Variants in PAIP2B observed in about 807,000 individuals in gnomAD.
PAIP2B encodes the protein poly(A) binding protein interacting protein 2B, also known as polyadenylate-binding protein-interacting protein 2B.
Under a neutral mutation model 17.0 loss-of-function variants are expected in PAIP2B, and 13 were observed. That is an observed-to-expected ratio of 0.76 (90% confidence interval 0.50 to 1.22). PAIP2B has a LOEUF of 1.22. Among genes scored for constraint, PAIP2B ranks in the 50% most tolerant of loss-of-function variants. The pLI is 0.00. For missense variants in PAIP2B, 117 were observed against 144.5 expected (o/e 0.81, Z 0.98); for synonymous variants, 43 against 48.7 (o/e 0.88, Z 0.48).
rs1402263101 is a variant in PAIP2B, at chr2:71,184,437, A to T, written c.*4042T>A. On this transcript the variant is annotated 3_prime_UTR_variant, in exon 4 of 4. Transcript: ENST00000244221. ...CAGTAGGGGGTTGGCCAGTGAGGGCAGGTGACTAAGTGGTGTGCAGGAAAC... is the reference window on the plus strand; with the variant it reads ...CAGTAGGGGGTTGGCCAGTGAGGGCTGGTGACTAAGTGGTGTGCAGGAAAC... 1.3e-5 allele frequency: 2 copies of T among 152,242 alleles called. No homozygotes were observed. Among genetic ancestry groups the T allele is most frequent in the African/African-American group, 2.4e-5 (1 of 41,456 alleles). 9.4% of individuals were successfully genotyped at this position (152,242 alleles called of 1,614,324 possible).
At chr2:71,220,173 T>G (rs1179658968) in intron 1 of PAIP2B, among the ~76,000 whole-genome samples, 5 of 152,192 alleles carry the variant, frequency 3.3e-5, no homozygotes, top group Non-Finnish European at 5.9e-5. Flanking sequence ...AAGGTGCCTC[T>G]CATGAGGCCT....
chr2:71,189,082 T>A (rs899631053), intron 3 of PAIP2B, among the ~76,000 whole-genome samples: 1 of 149,812 alleles, frequency 6.7e-6, no homozygotes, highest in Admixed American at 6.7e-5. Flanking sequence ...CTTGGCTCAC[T>A]GCAAACTCCG....
chr2:71,208,906 A>T (rs1675215529), intron 1 of PAIP2B, among the ~76,000 whole-genome samples: 1 of 152,202 alleles, frequency 6.6e-6, no homozygotes, highest in African/African-American at 2.4e-5. Flanking sequence ...CTCCAGAAGG[A>T]AAGTGGCCCT....
At chr2:71,191,768 G>A (rs187596651) in intron 2 of PAIP2B, among the ~76,000 whole-genome samples, 5,351 of 152,222 alleles carry the variant, frequency 0.035, 102 homozygotes, top group African/African-American at 0.043. Flanking sequence ...CCTCAGCCAC[G>A]CAGCTGATAT....
At chr2:71,191,287 A>G (rs914845415) in intron 2 of PAIP2B, among the ~76,000 whole-genome samples, 2 of 152,264 alleles carry the variant, frequency 1.3e-5, no homozygotes, top group African/African-American at 2.4e-5. Context: ...GAACACTACA[A>G]TTAGCCACAC....
At chr2:71,199,373 T>C (rs1298810285) in intron 2 of PAIP2B, among the ~76,000 whole-genome samples, 1 of 144,898 alleles carries the variant, frequency 6.9e-6, no homozygotes, top group Admixed American at 6.9e-5. Flanking sequence ...TTTTACTTAA[T>C]AGACACCCAA....
chr2:71,208,540 A>C lies in PAIP2B; in HGVS notation c.-11-5940T>G, dbSNP rs549848968. On this transcript the variant is annotated intron_variant, in intron 1 of 3. Coordinates refer to ENST00000244221, the MANE Select transcript of PAIP2B (RefSeq NM_020459.1). ...GTGTGACATCACAGAAATCAAGAAAATACCGAACCCAGTGTTCTGTATTTT... is the reference window on the plus strand; with the variant it reads ...GTGTGACATCACAGAAATCAAGAAACTACCGAACCCAGTGTTCTGTATTTT... Among the ~76,000 whole-genome samples, 12 of 152,190 alleles carry C rather than the reference A, an allele frequency of 7.9e-5. No homozygotes were observed. The South Asian group carries it at 2.5e-3, about 32-fold the overall frequency.
At chr2:71,196,187 C>T (rs1674813670) in intron 2 of PAIP2B, among the ~76,000 whole-genome samples, 1 of 152,178 alleles carries the variant, frequency 6.6e-6, no homozygotes, top group Non-Finnish European at 1.5e-5. Context: ...ACTGCCTTAG[C>T]TATGTTCCAG....
In PAIP2B at chr2:71,188,370, C is replaced by A; in HGVS notation, c.*109G>T. 1.2e-6 allele frequency: 1 copy of A among 820,636 alleles called. No individual in the cohort carries two copies. The highest frequency in any genetic ancestry group is 1.6e-5 in the South Asian group (1 of 62,934). The allele number at this position is 820,636 out of a possible 1,614,324, so 50.8% of individuals were successfully genotyped here. A position where few individuals can be genotyped will look rare whatever the true frequency, so the allele number is the denominator to read the frequency against. On this transcript the variant is annotated 3_prime_UTR_variant, in exon 4 of 4. Coordinates refer to ENST00000244221, the MANE Select transcript of PAIP2B (RefSeq NM_020459.1). ...GTATTGTGAGACCACCACTCCCCTT[C>A]CCGCTGTGCACCCCTCGCCCGCCCC...
chr2:71,214,742 C>G (rs1180023), intron 1 of PAIP2B, among the ~76,000 whole-genome samples: 1 of 152,166 alleles, frequency 6.6e-6, no homozygotes, highest in Non-Finnish European at 1.5e-5. Flanking sequence ...ATCAGACACA[C>G]TGAGGCATTC....
chr2:71,219,082 A>ATTTTTTTTTTTTT (rs568552077), intron 1 of PAIP2B, among the ~76,000 whole-genome samples: 5 of 114,000 alleles, frequency 4.4e-5, no homozygotes, highest in African/African-American at 1.8e-4. Context: ...CGCCTAGCTA[A>ATTTTTTTTTTTTT]TTTTTTTTTT....
At chr2:71,189,067 G>A (rs1431898446) in intron 3 of PAIP2B, among the ~76,000 whole-genome samples, 1 of 147,306 alleles carries the variant, frequency 6.8e-6, no homozygotes, top group East Asian at 2.0e-4. Context: ...GTGCAGTGGT[G>A]CAATCTTGGC....
At position 71,202,440 on chromosome 2, in the gene PAIP2B, T is replaced by C; in HGVS notation, c.138+12A>G. ...TATCATCAATCTTCCACTTTTCCAG[T>C]TCTTTCTTTACCTGTCTGTTGAAAT... On this transcript the variant is annotated intron_variant, in intron 2 of 3. Transcript: ENST00000244221. 6.2e-7 allele frequency: 1 copy of C among 1,610,046 alleles called. No individual in the cohort carries two copies. Among genetic ancestry groups the C allele is most frequent in the Non-Finnish European group, 8.5e-7 (1 of 1,178,736 alleles).
rs1358503440 is a variant in PAIP2B, at chr2:71,199,429, G to C, written c.138+3023C>G. 2.0e-5 allele frequency among the ~76,000 whole-genome samples: 3 copies of C among 151,400 alleles called. No homozygotes were observed. The East Asian group carries it at 5.9e-4, about 30-fold the overall frequency. On this transcript the variant is annotated intron_variant, in intron 2 of 3. Transcript: ENST00000244221. ...AGAGTAAAAAAAAAAAAAAAATCTA[G>C]TTAGAAATGACCCATAAGATTTTAC...
Position 71,184,523 on chromosome 2 carries a change from T to C in PAIP2B, c.*3956A>G, listed in dbSNP as rs956597020. 2.0e-5 allele frequency: 3 copies of C among 152,148 alleles called. No homozygotes were observed. Among genetic ancestry groups the C allele is most frequent in the African/African-American group, 7.2e-5 (3 of 41,426 alleles). The allele number at this position is 152,148 out of a possible 1,614,324, so 9.4% of individuals were successfully genotyped here. A position where few individuals can be genotyped will look rare whatever the true frequency, so the allele number is the denominator to read the frequency against. On this transcript the variant is annotated 3_prime_UTR_variant, in exon 4 of 4. Coordinates refer to ENST00000244221, the MANE Select transcript of PAIP2B (RefSeq NM_020459.1). The stretch of plus-strand genomic sequence containing the variant: ...GTCCCTGTCACCAATAGCAGCTTCA[T>C]TGTGAGAAGATTAAAACAAAGGAAA...
chr2:71,201,071 C>T (rs1283815577), intron 2 of PAIP2B, among the ~76,000 whole-genome samples: 1 of 151,462 alleles, frequency 6.6e-6, no homozygotes, highest in Admixed American at 6.6e-5. Context: ...TTCTGCAAGC[C>T]CCTAGCTTTC....
chr2:71,188,148 T>G lies in PAIP2B; in HGVS notation c.*331A>C. 3.8e-6 allele frequency: 1 copy of G among 263,118 alleles called. No homozygotes were observed. Among genetic ancestry groups the G allele is most frequent in the Non-Finnish European group, 7.2e-6 (1 of 138,258 alleles). The allele number at this position is 263,118 out of a possible 1,614,324, so 16.3% of individuals were successfully genotyped here. A position where few individuals can be genotyped will look rare whatever the true frequency, so the allele number is the denominator to read the frequency against. ...GGGGCATTTCCTAAATATCCAGTTTTTCTTAGTCAGCTTATTTTGTTTAAA... is the reference window on the plus strand; with the variant it reads ...GGGGCATTTCCTAAATATCCAGTTTGTCTTAGTCAGCTTATTTTGTTTAAA... On this transcript the variant is annotated 3_prime_UTR_variant, in exon 4 of 4. Transcript: ENST00000244221.
intron 1 of PAIP2B, among the ~76,000 whole-genome samples, chr2:71,221,073 A>C (rs904420854): frequency 1.3e-5 from 2 of 152,166 alleles, no homozygotes; most frequent in African/African-American, 4.8e-5. Flanking sequence ...CTGTATTTCT[A>C]AATTGTTCTA....
At chr2:71,226,656 G>A (rs1456017970) in intron 1 of PAIP2B, among the ~76,000 whole-genome samples, 1 of 152,118 alleles carries the variant, frequency 6.6e-6, no homozygotes, top group Non-Finnish European at 1.5e-5. Flanking sequence ...TGGGAGTCGG[G>A]GGGAAACAGA....
Sources: allele counts gnomAD v4.1 joint callset (sites outside exome capture counted in the v4.1 genomes callset), GRCh38; gene constraint gnomAD v4.1.1; transcripts MANE v1.5; gene names NCBI Gene and HGNC (gene_info 2026-07-23, HGNC 2026-07-21).